ARID1B: variants seen among roughly 807,000 people sequenced by gnomAD.
The protein encoded by ARID1B is AT-rich interactive domain-containing protein 1B.
A neutral mutation model predicts 212.3 loss-of-function variants in ARID1B; 30 were observed. The ratio of observed to expected loss-of-function variants is 0.14; its 90% CI spans 0.11 to 0.19. The LOEUF is 0.19. Among genes scored for constraint, ARID1B ranks in the 10% least tolerant of loss-of-function variants. The pLI, the probability that ARID1B is intolerant of heterozygous loss-of-function variation, is 1.00. For synonymous variants in ARID1B, 1,402 were observed against 1,301.7 expected (o/e 1.08, Z -1.66); for missense variants, 2,891 against 3,204.0 (o/e 0.90, Z 2.36).
intron 2 of ARID1B, among the ~76,000 whole-genome samples, chr6:156,869,610 T>A (rs1421374007): frequency 6.6e-6 from 1 of 152,150 alleles, no homozygotes; most frequent in Non-Finnish European, 1.5e-5. Context: ...GGAAAGACTT[T>A]ATTTTATCAT....
At chr6:157,145,285 T>G (rs1789644015) in intron 7 of ARID1B, among the ~76,000 whole-genome samples, 1 of 152,182 alleles carries the variant, frequency 6.6e-6, no homozygotes, top group South Asian at 2.1e-4. Context: ...CCACTACCTG[T>G]TTTTGTAAAT....
intron 2 of ARID1B, among the ~76,000 whole-genome samples, chr6:156,879,488 CTG>C (rs1410989436): frequency 6.6e-6 from 1 of 152,168 alleles, no homozygotes; most frequent in East Asian, 1.9e-4. Context: ...TTTTTTCCCT[CTG>C]TGAATTGCAT....
chr6:156,988,969 C>G (rs1778105587), intron 4 of ARID1B, among the ~76,000 whole-genome samples: 1 of 152,164 alleles, frequency 6.6e-6, no homozygotes, highest in Non-Finnish European at 1.5e-5. Context: ...TATTCTGCTC[C>G]TGTAGCTTGG....
chr6:156,925,062 T>A (rs1791108728), intron 3 of ARID1B, among the ~76,000 whole-genome samples: 1 of 152,196 alleles, frequency 6.6e-6, no homozygotes, highest in South Asian at 2.1e-4. Flanking sequence ...ATTTAAAAGC[T>A]TGTCTTAAGT....
chr6:156,834,668 G>A (rs1475924312), intron 2 of ARID1B, among the ~76,000 whole-genome samples: 1 of 152,098 alleles, frequency 6.6e-6, no homozygotes, highest in Non-Finnish European at 1.5e-5. Context: ...TCATACATTC[G>A]TGTTCTGTAC....
At chr6:156,808,989 T>C (rs1034150745) in intron 1 of ARID1B, among the ~76,000 whole-genome samples, 5 of 152,256 alleles carry the variant, frequency 3.3e-5, no homozygotes, top group Admixed American at 1.3e-4. Context: ...AGCAAATCAC[T>C]GAAGTTTCTT....
In ARID1B at chr6:157,084,916, T is replaced by C. The variant is rs1244124201; in HGVS notation, c.2491+11T>C. The C allele has an allele frequency of 1.9e-6, 3 of 1,592,262 alleles. No individual in the cohort carries two copies. Among genetic ancestry groups the C allele is most frequent in the East Asian group, 2.2e-5 (1 of 44,616 alleles). Reference sequence around the variant, plus strand: ...CTGCAAGTATCCCAGGTATTTACTTTCCTGACAATTATTATTTTACTTTGT... The same window carrying C: ...CTGCAAGTATCCCAGGTATTTACTTCCCTGACAATTATTATTTTACTTTGT... On this transcript the variant is annotated intron_variant, in intron 5 of 19. Transcript: ENST00000636930.
chr6:156,887,953 G>C (rs1200282332), intron 2 of ARID1B, among the ~76,000 whole-genome samples: 1 of 152,066 alleles, frequency 6.6e-6, no homozygotes, highest in Non-Finnish European at 1.5e-5. Context: ...TTGTCTTTTT[G>C]TTGACTCTTT....
chr6:156,857,272 CAA>C (rs1408390276), intron 2 of ARID1B, among the ~76,000 whole-genome samples: 1 of 152,170 alleles, frequency 6.6e-6, no homozygotes, highest in Non-Finnish European at 1.5e-5. Flanking sequence ...GATAACAAAA[CAA>C]TATTCTTTGA....
At chr6:156,958,376 A>T (rs1187574216) in intron 4 of ARID1B, among the ~76,000 whole-genome samples, 3 of 152,392 alleles carry the variant, frequency 2.0e-5, no homozygotes, top group Non-Finnish European at 4.4e-5. Context: ...CTTCAGCAGC[A>T]AAAGTAGATG....
intron 4 of ARID1B, among the ~76,000 whole-genome samples, chr6:157,004,470 C>T (rs1393707355): frequency 6.6e-6 from 1 of 152,024 alleles, no homozygotes; most frequent in African/African-American, 2.4e-5. Context: ...CTTGATTTTC[C>T]GAAGTGTAAT....
chr6:157,098,926 A>G (rs1014480350), intron 5 of ARID1B, among the ~76,000 whole-genome samples: 1 of 152,190 alleles, frequency 6.6e-6, no homozygotes, highest in African/African-American at 2.4e-5. Context: ...TTTAATGCGG[A>G]GAATCCTCTG....
chr6:157,135,432 G>C (rs935740446), intron 7 of ARID1B, among the ~76,000 whole-genome samples: 2 of 152,156 alleles, frequency 1.3e-5, no homozygotes, highest in African/African-American at 4.8e-5. Flanking sequence ...GAAACGATCT[G>C]AAATGAGAAT....
chr6:157,107,705 G>A (rs1384796592), intron 5 of ARID1B: 4 of 152,162 alleles, frequency 2.6e-5, no homozygotes, highest in Admixed American at 6.5e-5. Flanking sequence ...GAAAGAACAC[G>A]GGGGCTCTCT....
intron 4 of ARID1B, among the ~76,000 whole-genome samples, chr6:157,068,058 A>T (rs963471228): frequency 1.3e-5 from 2 of 152,228 alleles, no homozygotes; most frequent in African/African-American, 4.8e-5. Flanking sequence ...GCTAGATCAC[A>T]GATGGTTTAC....
At chr6:157,105,511 A>G (rs991625183) in intron 5 of ARID1B, among the ~76,000 whole-genome samples, 2 of 152,260 alleles carry the variant, frequency 1.3e-5, no homozygotes, top group African/African-American at 4.8e-5. Context: ...GAAAGACTTG[A>G]ACAAACAATT....
At chr6:156,988,275 A>C (rs60793396) in intron 4 of ARID1B, among the ~76,000 whole-genome samples, 5,056 of 152,260 alleles carry the variant, frequency 0.033, 280 homozygotes, top group African/African-American at 0.12. Context: ...TGGGCCAGTG[A>C]CTTAATTTAC....
At chr6:156,947,179 T>G (rs1793215055) in intron 4 of ARID1B, among the ~76,000 whole-genome samples, 1 of 152,208 alleles carries the variant, frequency 6.6e-6, no homozygotes, top group East Asian at 1.9e-4. Flanking sequence ...AGTCTTATTT[T>G]CTTTGCTTTT....
At chr6:156,861,442 C>T (rs1177329906) in intron 2 of ARID1B, among the ~76,000 whole-genome samples, 1 of 151,744 alleles carries the variant, frequency 6.6e-6, no homozygotes, top group African/African-American at 2.4e-5. Flanking sequence ...AACCCTGTCT[C>T]TACAAAAAAT....
Sources: gnomAD v4.1 joint callset for allele counts (sites outside exome capture counted in the v4.1 genomes callset) on GRCh38, gnomAD v4.1.1 for gene constraint, MANE v1.5 for transcripts, NCBI Gene and HGNC (gene_info 2026-07-23, HGNC 2026-07-21) for gene names.